Variants in CREB5 observed in about 807,000 individuals in gnomAD.
CREB5 encodes cyclic AMP-responsive element-binding protein 5.
A neutral mutation model predicts 57.1 loss-of-function variants in CREB5; 19 were observed. The ratio of observed to expected loss-of-function variants is 0.33; its 90% CI spans 0.23 to 0.49. The LOEUF (loss-of-function observed/expected upper bound fraction) is 0.49. Ranked by LOEUF, CREB5 falls within the 20% of genes least tolerant of loss-of-function variation. CREB5 has a pLI of 0.99. For missense variants in CREB5, 579 were observed against 671.6 expected, an observed-to-expected ratio of 0.86 and a Z score of 1.52; for synonymous variants, 238 against 238.3, an observed-to-expected ratio of 1.00 and a Z score of 0.01.
chr7:28,560,802 G>A, intron 4 of CREB5, among the ~76,000 whole-genome samples: 1 of 58,448 alleles, frequency 1.7e-5, no homozygotes. Context: ...TCCACAGTGT[G>A]TGTGCGCGTG....
intron 7 of CREB5, among the ~76,000 whole-genome samples, chr7:28,780,864 T>C (rs1437338266): frequency 6.6e-6 from 1 of 151,028 alleles, no homozygotes; most frequent in Non-Finnish European, 1.5e-5. Context: ...CTGTTTGCAC[T>C]GTAGTTTTGT....
intron 7 of CREB5, among the ~76,000 whole-genome samples, chr7:28,770,265 G>A (rs1806250865): frequency 6.6e-6 from 1 of 152,208 alleles, no homozygotes; most frequent in Non-Finnish European, 1.5e-5. Context: ...GCCACTTGGA[G>A]GAACAAGCTC....
chr7:28,454,561 G>T (rs971215388), intron 1 of CREB5, among the ~76,000 whole-genome samples: 4 of 152,070 alleles, frequency 2.6e-5, no homozygotes, highest in African/African-American at 9.7e-5. Flanking sequence ...AGCACCTGTG[G>T]ATACCTCACC....
intron 7 of CREB5, among the ~76,000 whole-genome samples, chr7:28,747,078 AACAAG>A (rs1330420834): frequency 6.7e-6 from 1 of 149,460 alleles, no homozygotes; most frequent in East Asian, 1.9e-4. Flanking sequence ...AAAAACTAGA[AACAAG>A]ACTTTTTTTT....
intron 1 of CREB5, among the ~76,000 whole-genome samples, chr7:28,402,235 C>T (rs527780326): frequency 2.0e-5 from 3 of 152,250 alleles, no homozygotes; most frequent in East Asian, 3.9e-4. Context: ...TGTTCATATC[C>T]TTCACCCACT....
At chr7:28,509,564 A>C (rs761636016) in intron 4 of CREB5, among the ~76,000 whole-genome samples, 9 of 152,200 alleles carry the variant, frequency 5.9e-5, no homozygotes, top group Non-Finnish European at 1.3e-4. Context: ...CCTAGACCAG[A>C]CTTTCAGTTC....
intron 7 of CREB5, among the ~76,000 whole-genome samples, chr7:28,737,567 AT>A (rs66468917): frequency 0.23 from 24,964 of 110,562 alleles, 3,347 homozygotes; most frequent in Non-Finnish European, 0.29. Flanking sequence ...ATATATATAT[AT>A]ATATATATAT....
Position 28,724,342 on chromosome 7 carries a change from A to G in CREB5, c.702+10A>G, listed in dbSNP as rs1803215558. 12 of 1,596,512 alleles carry G rather than the reference A, an allele frequency of 7.5e-6. No individual in the cohort carries two copies. Among genetic ancestry groups the G allele is most frequent in the Non-Finnish European group, 1.0e-5 (12 of 1,164,468 alleles). ...TTCAGAAGCCAAAATGGTAAGTAAC[A>G]GTTATAATCACCCTTTCATTATTCT... is the stretch of plus-strand genomic sequence containing the variant. On this transcript the variant is annotated intron_variant, in intron 7 of 10. Coordinates refer to ENST00000357727, the MANE Select transcript of CREB5 (RefSeq NM_182898.4).
At chr7:28,318,192 T>G (rs939532391) in intron 1 of CREB5, among the ~76,000 whole-genome samples, 28 of 152,220 alleles carry the variant, frequency 1.8e-4, no homozygotes, top group Non-Finnish European at 8.8e-5. Flanking sequence ...CCTATGTTTC[T>G]TCTACAAATC....
chr7:28,506,179 G>A (rs777686583), intron 3 of CREB5, among the ~76,000 whole-genome samples: 8 of 151,990 alleles, frequency 5.3e-5, no homozygotes, highest in Non-Finnish European at 1.0e-4. Context: ...ATTCGGTGGG[G>A]GATATTACAC....
Position 28,592,856 on chromosome 7 carries a change from C to A in CREB5, c.464+22319C>A, listed in dbSNP as rs181838591. 1.5e-4 allele frequency among the ~76,000 whole-genome samples: 23 copies of A among 152,258 alleles called. No individual in the cohort carries two copies. The East Asian group carries it at 4.4e-3, about 29-fold the overall frequency. On this transcript the variant is annotated intron_variant, in intron 5 of 10. Transcript: ENST00000357727. Reference sequence around the variant, plus strand: ...TACTTACCAAATCCCTCTGTGTCTCCGTTTTCTTATTTGTAAAATAGGGAT... The same window carrying A: ...TACTTACCAAATCCCTCTGTGTCTCAGTTTTCTTATTTGTAAAATAGGGAT...
At chr7:28,443,512 A>G (rs1406717538) in intron 1 of CREB5, among the ~76,000 whole-genome samples, 1 of 152,240 alleles carries the variant, frequency 6.6e-6, no homozygotes, top group African/African-American at 2.4e-5. Flanking sequence ...CTGCTAGGAC[A>G]TACATAGTCC....
rs553025587 is a variant in CREB5 at position 28,316,551 on chromosome 7, C to A, written c.-25+17110C>A. Among the ~76,000 whole-genome samples, 3 of 151,960 alleles carry A rather than the reference C, an allele frequency of 2.0e-5. No individual in the cohort carries two copies. In the East Asian group the frequency reaches 5.8e-4, roughly 29 times the overall value. ...CAGTGAATGCTGCAGAAATGCACCG[C>A]CAGATCCTGGCAGTGTCTGCCATCC... is the stretch of plus-strand genomic sequence containing the variant. On this transcript the variant is annotated intron_variant, in intron 1 of 9. Transcript: ENST00000396299.
chr7:28,411,752 G>T (rs906412814), upstream of CREB5, among the ~76,000 whole-genome samples: 2 of 152,160 alleles, frequency 1.3e-5, no homozygotes, highest in Non-Finnish European at 2.9e-5. Context: ...CTTATAATTA[G>T]ATCTACTTTC....
At chr7:28,704,004 G>A (rs1406983672) in intron 5 of CREB5, among the ~76,000 whole-genome samples, 1 of 152,186 alleles carries the variant, frequency 6.6e-6, no homozygotes, top group East Asian at 1.9e-4. Context: ...CATCTACTAT[G>A]AAGTAGTGAA....
intron 5 of CREB5, among the ~76,000 whole-genome samples, chr7:28,655,726 A>G (rs1031056903): frequency 2.6e-5 from 4 of 152,214 alleles, no homozygotes; most frequent in African/African-American, 9.6e-5. Context: ...GTGCTTTTTT[A>G]TCACAAAAAT....
intron 1 of CREB5, among the ~76,000 whole-genome samples, chr7:28,433,606 G>A (rs1788818919): frequency 6.6e-6 from 1 of 152,138 alleles, no homozygotes; most frequent in South Asian, 2.1e-4. Flanking sequence ...TGAGTAGCTG[G>A]GATTACAGGC....
chr7:28,510,035 T>C (rs1023333073), intron 4 of CREB5, among the ~76,000 whole-genome samples: 12 of 152,192 alleles, frequency 7.9e-5, no homozygotes, highest in Non-Finnish European at 1.8e-4. Flanking sequence ...CCACAATGAC[T>C]CCTCTGGCAG....
intron 5 of CREB5, among the ~76,000 whole-genome samples, chr7:28,660,787 C>A (rs376416644): frequency 9.2e-5 from 14 of 152,052 alleles, no homozygotes; most frequent in African/African-American, 3.4e-4. Context: ...TTCCTCACAA[C>A]TCATTCTGGG....
Sources: gnomAD v4.1 joint callset for allele counts (sites outside exome capture counted in the v4.1 genomes callset) on GRCh38, gnomAD v4.1.1 for gene constraint, MANE v1.5 for transcripts, NCBI Gene and HGNC (gene_info 2026-07-23, HGNC 2026-07-21) for gene names.